The following FNIP2 variants were observed in gnomAD, a reference collection of about 807,000 sequenced individuals.
FNIP2 encodes folliculin-interacting protein 2.
A neutral mutation model predicts 108.7 loss-of-function variants in FNIP2; 32 were observed. The ratio of observed to expected loss-of-function variants is 0.29; its 90% CI spans 0.22 to 0.40. FNIP2 has a LOEUF of 0.40. Among genes scored for constraint, FNIP2 ranks in the 10% least tolerant of loss-of-function variants. FNIP2 has a pLI of 1.00. For synonymous variants in FNIP2, 480 were observed against 496.7 expected (o/e 0.97, Z 0.45); for missense variants, 1,202 against 1,381.6 (o/e 0.87, Z 2.06).
chr4:158,876,912 TA>T (rs1781314669), intron 14 of FNIP2, among the ~76,000 whole-genome samples: 1 of 152,182 alleles, frequency 6.6e-6, no homozygotes, highest in African/African-American at 2.4e-5. Context: ...TAAAGGAAAA[TA>T]AAAGCTTATT....
rs34074378 is a variant in FNIP2, at chr4:158,866,221, C to CTTTTTTTTTTTTTTTTTTTTTTT, written c.1466-1866_1466-1865insTTTTTTTTTTTTTTTTTTTTTTT. ...GATTTGTTCCAATATTCTGGTTATT[C>CTTTTTTTTTTTTTTTTTTTTTTT]TTTTTTTTTTTTTTTGAGACAGAGT... On this transcript the variant is annotated intron_variant, in intron 12 of 16. Transcript: ENST00000264433. 6.7e-5 allele frequency among the ~76,000 whole-genome samples: 4 copies of CTTTTTTTTTTTTTTTTTTTTTTT among 59,764 alleles called. 2 individuals are homozygous for CTTTTTTTTTTTTTTTTTTTTTTT. The highest frequency in any genetic ancestry group is 1.3e-4 in the African/African-American group (2 of 14,954). 39.2% of individuals were successfully genotyped at this position (59,764 alleles called of 152,430 possible). A position where few individuals can be genotyped will look rare whatever the true frequency, so the allele number is the denominator to read the frequency against.
chr4:158,868,397 A>G lies in FNIP2; in HGVS notation c.1761A>G (p.Ala587=), dbSNP rs763624140. 1.9e-5 allele frequency: 30 copies of G among 1,614,026 alleles called. 1 individual carries two copies. Among genetic ancestry groups the G allele is most frequent in the Non-Finnish European group, 1.9e-5 (23 of 1,179,908 alleles). ...ALVPPILPPT[A]AERHNPWPTG... is the part of the protein sequence containing the mutation. ...TACCCCCCATCCTACCACCAACAGC[A>G]GCAGAGAGACACAACCCCTGGCCGA... Residue 587 remains alanine (A), a synonymous_variant, in exon 13 of 17, where the codon GCA becomes GCG. Transcript: ENST00000264433. The surrounding 1 kb of genome is among the most constrained non-coding windows in gnomAD (Gnocchi z 4.6).
chr4:158,883,280 C>T (rs1228892347), intron 14 of FNIP2, among the ~76,000 whole-genome samples: 3 of 151,876 alleles, frequency 2.0e-5, no homozygotes, highest in African/African-American at 7.3e-5. Flanking sequence ...CTGGCTCTGT[C>T]GTCCAGGCTG....
At chr4:158,812,612 A>G (rs1277509071) in intron 1 of FNIP2, among the ~76,000 whole-genome samples, 1 of 152,144 alleles carries the variant, frequency 6.6e-6, no homozygotes, top group East Asian at 1.9e-4. Flanking sequence ...AAAATTTTAG[A>G]GCAGTTTTAG....
At chr4:158,786,688 G>C (rs4334711) in intron 1 of FNIP2, among the ~76,000 whole-genome samples, 83,183 of 151,960 alleles carry the variant, frequency 0.55, 23,849 homozygotes, top group East Asian at 0.89. Flanking sequence ...AGCTCGGTTT[G>C]GGAAAAGGTG....
chr4:158,881,244 ACG>A (rs1560827819), intron 14 of FNIP2, among the ~76,000 whole-genome samples: 12 of 142,210 alleles, frequency 8.4e-5, no homozygotes, highest in South Asian at 2.3e-4. Context: ...CTCTCTTTCC[ACG>A]GTCTCCCTCT....
rs34644827 is a variant in FNIP2, at chr4:158,868,403, G to A, written c.1767G>A (p.Glu589=). The A allele has an allele frequency of 2.1e-3, 3,439 of 1,614,018 alleles. 20 individuals carry two copies. In the Middle Eastern group the frequency reaches 0.024, roughly 11 times the overall value. ...CCATCCTACCACCAACAGCAGCAGA[G>A]AGACACAACCCCTGGCCGACAGGGT... The part of the protein sequence containing the change: ...VPPILPPTAA[E]RHNPWPTGFP... The change falls in exon 13 of 17, where the codon GAG becomes GAA. Residue 589 remains glutamate (E), a synonymous_variant. Coordinates refer to ENST00000264433, the MANE Select transcript of FNIP2 (RefSeq NM_020840.3). This position sits in a 1 kb window ranked among gnomAD's most constrained non-coding sequence, Gnocchi z 4.6.
At chr4:158,846,051 T>G (rs1578904888) in intron 7 of FNIP2, among the ~76,000 whole-genome samples, 1 of 152,368 alleles carries the variant, frequency 6.6e-6, no homozygotes, top group Non-Finnish European at 1.5e-5. Context: ...CAAGTTGTCT[T>G]ACTTGGCCCA....
intron 7 of FNIP2, among the ~76,000 whole-genome samples, chr4:158,839,929 C>T (rs1779029938): frequency 6.6e-6 from 1 of 152,198 alleles, no homozygotes; most frequent in African/African-American, 2.4e-5. Context: ...GAGGGAAATG[C>T]ATCCTCATTG....
At chr4:158,810,983 G>A (rs1379383729) in intron 1 of FNIP2, among the ~76,000 whole-genome samples, 3 of 152,172 alleles carry the variant, frequency 2.0e-5, no homozygotes, top group Admixed American at 2.0e-4. Context: ...TATTGTTACA[G>A]TAACAAAAGC....
In FNIP2 at chr4:158,769,125, T is replaced by A. The variant is rs1271099449; in HGVS notation, c.-88T>A. On this transcript the variant is annotated 5_prime_UTR_variant, in exon 1 of 17. It removes an upstream start codon present in the reference 5' UTR. Coordinates refer to ENST00000264433, the MANE Select transcript of FNIP2 (RefSeq NM_020840.3). ...AGGCTGGGCGGCCGCGCCGCCGCGA[T>A]GGCCCCGCCACCGCGGCCGCCGCCC... The A allele has an allele frequency of 8.9e-6, 4 of 451,130 alleles. No homozygotes were observed. Among genetic ancestry groups the A allele is most frequent in the Non-Finnish European group, 2.9e-6 (1 of 344,550 alleles). The allele number at this position is 451,130 out of a possible 1,614,324, so 27.9% of individuals were successfully genotyped here.
intron 3 of FNIP2, among the ~76,000 whole-genome samples, 172 bp downstream of exon 3, chr4:158,829,397 T>C (rs1466153466): frequency 6.6e-6 from 1 of 152,202 alleles, no homozygotes; most frequent in Non-Finnish European, 1.5e-5. Context: ...CTTTGGCTTT[T>C]ATCTCCAATA....
chr4:158,797,357 A>G (rs1352754228), intron 1 of FNIP2, among the ~76,000 whole-genome samples: 1 of 152,236 alleles, frequency 6.6e-6, no homozygotes, highest in Non-Finnish European at 1.5e-5. Context: ...GTAGCAGGCC[A>G]AGAATGAGTG....
At chr4:158,882,074 G>T (rs866214057) in intron 14 of FNIP2, among the ~76,000 whole-genome samples, 1 of 151,306 alleles carries the variant, frequency 6.6e-6, no homozygotes, top group Non-Finnish European at 1.5e-5. Flanking sequence ...CTGCCCCACC[G>T]CAACCCTGTC....
intron 16 of FNIP2, among the ~76,000 whole-genome samples, chr4:158,898,473 T>TG (rs1197752122): frequency 6.6e-6 from 1 of 152,238 alleles, no homozygotes; most frequent in Non-Finnish European, 1.5e-5. Flanking sequence ...TCCATGAGCA[T>TG]GGAATGTTCT....
At chr4:158,852,380 C>G (rs1779747859) in intron 8 of FNIP2, among the ~76,000 whole-genome samples, 2 of 152,150 alleles carry the variant, frequency 1.3e-5, no homozygotes, top group African/African-American at 4.8e-5. Context: ...AGGGAGCTAG[C>G]TGGAAAGAAA....
At position 158,887,475 on chromosome 4, in the gene FNIP2, G is replaced by A. The variant is rs542344766; in HGVS notation, c.2950-3971G>A. Among the ~76,000 whole-genome samples the A allele has an allele frequency of 8.5e-5, 13 of 152,176 alleles. No homozygotes were observed. The East Asian group carries it at 2.5e-3, about 29-fold the overall frequency. ...TTCCCAGCCAGGCACGGTGGCTCAC[G>A]CCTGTAATCCCAGCACTTTGGGAGG... is the stretch of plus-strand genomic sequence containing the variant. On this transcript the variant is annotated intron_variant, in intron 14 of 16. Coordinates refer to ENST00000264433, the MANE Select transcript of FNIP2 (RefSeq NM_020840.3).
chr4:158,783,224 T>C (rs911597078), intron 1 of FNIP2, among the ~76,000 whole-genome samples: 4 of 152,206 alleles, frequency 2.6e-5, no homozygotes, highest in African/African-American at 7.2e-5. Flanking sequence ...AGATTAGCAA[T>C]TGATGGTGAG....
chr4:158,811,100 C>G (rs1041131222), intron 1 of FNIP2, among the ~76,000 whole-genome samples: 2 of 152,148 alleles, frequency 1.3e-5, no homozygotes, highest in Non-Finnish European at 2.9e-5. Context: ...CAAAGAGAAT[C>G]CACCCTGTGG....
Sources: allele counts gnomAD v4.1 joint callset (sites outside exome capture counted in the v4.1 genomes callset), GRCh38; gene constraint gnomAD v4.1.1; non-coding constraint Gnocchi (gnomAD v3.1); transcripts MANE v1.5; gene names NCBI Gene and HGNC (gene_info 2026-07-23, HGNC 2026-07-21).